Variants in ZNF804A observed in about 807,000 individuals in gnomAD.
ZNF804A encodes zinc finger protein 804A.
In ZNF804A, 2 loss-of-function variants were observed where a neutral mutation model predicts 16.5. The observed-to-expected ratio is 0.12, with a 90% CI of 0.05 to 0.38. The LOEUF (loss-of-function observed/expected upper bound fraction) is 0.38. Among genes scored for constraint, ZNF804A ranks in the 10% least tolerant of loss-of-function variants. ZNF804A has a pLI of 0.99. For missense variants in ZNF804A, 1,473 were observed against 1,390.7 expected (o/e 1.06, Z -0.94); for synonymous variants, 534 against 489.6 (o/e 1.09, Z -1.20).
chr2:184,669,763 C>T (rs865958179), intron 1 of ZNF804A, among the ~76,000 whole-genome samples: 18 of 40,202 alleles, frequency 4.5e-4, no homozygotes, highest in Middle Eastern at 0.013. Context: ...CACACACACA[C>T]GCACACACAC....
intron 1 of ZNF804A, among the ~76,000 whole-genome samples, chr2:184,690,104 C>T (rs1367284410): frequency 6.6e-6 from 1 of 151,078 alleles, no homozygotes; most frequent in Non-Finnish European, 1.5e-5. Context: ...TATAAAGTTT[C>T]ATAATCAATA....
chr2:184,811,724 C>A, intron 1 of ZNF804A, among the ~76,000 whole-genome samples: 1 of 151,746 alleles, frequency 6.6e-6, no homozygotes, highest in African/African-American at 2.4e-5. Context: ...ACACTATCTC[C>A]AAAAAAGTAA....
In ZNF804A at chr2:184,669,811, T is replaced by G. The variant is rs148500858; in HGVS notation, c.111+70741T>G. Among the ~76,000 whole-genome samples the G allele has an allele frequency of 7.4e-3, 1,118 of 152,006 alleles. 19 individuals carry two copies. Among genetic ancestry groups the G allele is most frequent in the African/African-American group, 0.026 (1,061 of 41,528 alleles). Reference sequence around the variant, plus strand: ...AATATTTTTTTTCTCTAAATTAGTTTCAGCTTTTTAAGGACAAATAATAAT... The same window carrying G: ...AATATTTTTTTTCTCTAAATTAGTTGCAGCTTTTTAAGGACAAATAATAAT... On this transcript the variant is annotated intron_variant, in intron 1 of 3. Coordinates refer to ENST00000302277, the MANE Select transcript of ZNF804A (RefSeq NM_194250.2).
At chr2:184,869,460 T>C (rs1695938010) in intron 2 of ZNF804A, among the ~76,000 whole-genome samples, 1 of 152,018 alleles carries the variant, frequency 6.6e-6, no homozygotes, top group Admixed American at 6.6e-5. Flanking sequence ...ACCCTGTCTC[T>C]TACCAGCCAT....
At chr2:184,656,860 A>G (rs1692085913) in intron 1 of ZNF804A, among the ~76,000 whole-genome samples, 1 of 152,020 alleles carries the variant, frequency 6.6e-6, no homozygotes, top group South Asian at 2.1e-4. Context: ...AGGGCCATTA[A>G]GTTTATTTGA....
intron 1 of ZNF804A, among the ~76,000 whole-genome samples, chr2:184,617,364 T>C (rs920732352): frequency 1.1e-4 from 16 of 152,034 alleles, no homozygotes; most frequent in African/African-American, 3.4e-4. Flanking sequence ...GTATGCTGTT[T>C]TTTAAAACCA....
intron 1 of ZNF804A, among the ~76,000 whole-genome samples, chr2:184,848,417 T>C (rs1574239782): frequency 6.6e-6 from 1 of 152,054 alleles, no homozygotes; most frequent in East Asian, 1.9e-4. Flanking sequence ...TCTATCACTG[T>C]TTCTTCCTGA....
At chr2:184,830,709 T>C (rs1695251610) in intron 1 of ZNF804A, among the ~76,000 whole-genome samples, 1 of 152,108 alleles carries the variant, frequency 6.6e-6, no homozygotes, top group African/African-American at 2.4e-5. Context: ...TACCTTGCAG[T>C]ATCTAGTCAC....
chr2:184,636,423 C>CTGTG (rs746003358), intron 1 of ZNF804A, among the ~76,000 whole-genome samples: 9,417 of 99,104 alleles, frequency 0.095, 686 homozygotes, highest in Middle Eastern at 0.15. Flanking sequence ...GGCTCTAGGG[C>CTGTG]TGTGTGTGTG....
At chr2:184,737,748 A>T (rs1333423953) in intron 1 of ZNF804A, among the ~76,000 whole-genome samples, 1 of 152,124 alleles carries the variant, frequency 6.6e-6, no homozygotes, top group Non-Finnish European at 1.5e-5. Context: ...AAACTCTTCG[A>T]CTTGAATAAG....
chr2:184,821,973 A>G (rs1695094009), intron 1 of ZNF804A, among the ~76,000 whole-genome samples: 2 of 152,156 alleles, frequency 1.3e-5, no homozygotes, highest in South Asian at 2.1e-4. Context: ...GGGAGTGTAA[A>G]TTAGTTCAAC....
At chr2:184,868,782 C>G (rs1351250587) in intron 2 of ZNF804A, among the ~76,000 whole-genome samples, 1 of 151,930 alleles carries the variant, frequency 6.6e-6, no homozygotes, top group African/African-American at 2.4e-5. Context: ...GACATTTCAG[C>G]TTGCTGCTAA....
intron 1 of ZNF804A, among the ~76,000 whole-genome samples, chr2:184,732,653 T>C (rs1693538741): frequency 6.6e-6 from 1 of 152,174 alleles, no homozygotes; most frequent in Non-Finnish European, 1.5e-5. Flanking sequence ...AGATTTCCCA[T>C]CCATGAACAT....
At chr2:184,732,190 T>G (rs1693531075) in intron 1 of ZNF804A, among the ~76,000 whole-genome samples, 1 of 152,180 alleles carries the variant, frequency 6.6e-6, no homozygotes, top group African/African-American at 2.4e-5. Context: ...GTGTTTCATA[T>G]TTAGGTCTGG....
chr2:184,631,822 T>A (rs749393573), intron 1 of ZNF804A, among the ~76,000 whole-genome samples: 8 of 152,188 alleles, frequency 5.3e-5, no homozygotes, highest in Admixed American at 2.0e-4. Flanking sequence ...TGCATTGAAA[T>A]AAAGGAAGAT....
At chr2:184,880,892 T>C (rs1271057988) in intron 2 of ZNF804A, among the ~76,000 whole-genome samples, 2 of 152,078 alleles carry the variant, frequency 1.3e-5, no homozygotes, top group Non-Finnish European at 1.5e-5. Context: ...AAAGGTCTCA[T>C]CTTTAAATAT....
At chr2:184,929,151 A>T (rs989886993) in intron 2 of ZNF804A, among the ~76,000 whole-genome samples, 1 of 152,186 alleles carries the variant, frequency 6.6e-6, no homozygotes. Flanking sequence ...AAATAGGCAC[A>T]GTTATCTAAA....
At chr2:184,737,589 C>T (rs1419232364) in intron 1 of ZNF804A, among the ~76,000 whole-genome samples, 1 of 151,942 alleles carries the variant, frequency 6.6e-6, no homozygotes, top group East Asian at 1.9e-4. Flanking sequence ...ACTTGCTGAC[C>T]TATTTACTTG....
intron 1 of ZNF804A, among the ~76,000 whole-genome samples, chr2:184,719,233 A>T (rs1381694650): frequency 1.3e-5 from 2 of 152,072 alleles, no homozygotes; most frequent in African/African-American, 2.4e-5. Context: ...GCAGGGCACC[A>T]CATCTCTAGA....
Sources: allele counts gnomAD v4.1 joint callset (sites outside exome capture counted in the v4.1 genomes callset), GRCh38; gene constraint gnomAD v4.1.1; transcripts MANE v1.5; gene names NCBI Gene and HGNC (gene_info 2026-07-23, HGNC 2026-07-21).